Variants in C1orf146 observed in about 807,000 individuals in gnomAD.
The protein encoded by C1orf146 is chromosome 1 open reading frame 146.
C1orf146 carries 22 observed loss-of-function variants against 23.0 expected under a neutral mutation model. The observed-to-expected ratio is 0.96, with a 90% CI of 0.68 to 1.36. The LOEUF (loss-of-function observed/expected upper bound fraction) is 1.36. C1orf146 is among the 40% of genes most tolerant of loss of function. The probability of loss-of-function intolerance (pLI) is 0.00; values close to 1 mark genes in which losing one functional copy is unlikely to be tolerated. For synonymous variants in C1orf146, 59 were observed against 65.3 expected (o/e 0.90, Z 0.47); for missense variants, 199 against 206.8 (o/e 0.96, Z 0.23).
chr1:92,222,744 G>T (rs562260420), intron 1 of C1orf146, among the ~76,000 whole-genome samples: 13 of 151,202 alleles, frequency 8.6e-5, no homozygotes, highest in Admixed American at 7.9e-4. Flanking sequence ...CTGCCACCAC[G>T]CCCGGCTAAT....
intron 2 of C1orf146, among the ~76,000 whole-genome samples, chr1:92,236,918 G>C (rs570700215): frequency 6.6e-6 from 1 of 152,260 alleles, no homozygotes; most frequent in African/African-American, 2.4e-5. Flanking sequence ...TGAGGCTTCT[G>C]CATTCTTCAC....
At position 92,245,690 on chromosome 1, in the gene C1orf146, T is replaced by C. The variant is rs1287446759; in HGVS notation, c.*16T>C. On this transcript the variant is annotated 3_prime_UTR_variant, in exon 6 of 6. Coordinates refer to ENST00000370375, the MANE Select transcript of C1orf146 (RefSeq NM_001012425.2). ...CCCAAATTAGAGTACCAACTTAATGTTTTTCTCGAAGAATGTGAAAATAAT... is the reference window on the plus strand; with the variant it reads ...CCCAAATTAGAGTACCAACTTAATGCTTTTCTCGAAGAATGTGAAAATAAT... The C allele has an allele frequency of 2.7e-6, 4 of 1,498,620 alleles. No individual in the cohort carries two copies. The highest frequency in any genetic ancestry group is 2.4e-5 in the Admixed American group (1 of 41,212). The allele number at this position is 1,498,620 out of a possible 1,614,324, so 92.8% of individuals were successfully genotyped here.
intron 1 of C1orf146, chr1:92,229,035 G>A (rs542897005): frequency 4.1e-6 from 2 of 484,520 alleles, no homozygotes; most frequent in Middle Eastern, 7.2e-4. Context: ...GTGGTGAACA[G>A]TGGAGGGGCC....
chr1:92,245,462 G>C, intron 5 of C1orf146, 78 bp from the exon 6 acceptor site: 1 of 1,115,846 alleles, frequency 9.0e-7, no homozygotes, highest in Non-Finnish European at 1.3e-6. Flanking sequence ...AAGAATGAAA[G>C]TCAGGTATTT....
At chr1:92,221,052 A>G (rs1218510364) in intron 1 of C1orf146, among the ~76,000 whole-genome samples, 1 of 152,234 alleles carries the variant, frequency 6.6e-6, no homozygotes, top group African/African-American at 2.4e-5. Flanking sequence ...TGCCTCAGAG[A>G]CAAAGAATAT....
At chr1:92,229,252 T>C in intron 1 of C1orf146, 1 of 556,898 alleles carries the variant, frequency 1.8e-6, no homozygotes, top group Admixed American at 1.9e-5. Context: ...GACAGCACTG[T>C]GTTGGCGTAC....
intron 1 of C1orf146, among the ~76,000 whole-genome samples, chr1:92,219,374 T>C (rs1275095652): frequency 6.6e-6 from 1 of 152,098 alleles, no homozygotes; most frequent in East Asian, 1.9e-4. Flanking sequence ...AATGAGGAAA[T>C]TAGAGAGCAG....
chr1:92,225,252 T>A (rs1651939701), intron 1 of C1orf146, among the ~76,000 whole-genome samples: 1 of 151,950 alleles, frequency 6.6e-6, no homozygotes, highest in Non-Finnish European at 1.5e-5. Flanking sequence ...ACTAGAGTTG[T>A]GTGCCACCAT....
At chr1:92,243,578 T>C (rs1433122695) in intron 3 of C1orf146, among the ~76,000 whole-genome samples, 5 of 152,068 alleles carry the variant, frequency 3.3e-5, no homozygotes, top group African/African-American at 1.2e-4. Flanking sequence ...AACTCCTGAC[T>C]TTGTGATCCG....
At chr1:92,240,773 C>G (rs956095655) in intron 2 of C1orf146, 2 of 252,648 alleles carry the variant, frequency 7.9e-6, no homozygotes, top group African/African-American at 4.7e-5. Flanking sequence ...ATTCTCTCAC[C>G]TCAGCCTCCC....
intron 2 of C1orf146, among the ~76,000 whole-genome samples, chr1:92,235,448 A>G (rs1355780948): frequency 1.3e-5 from 2 of 152,048 alleles, no homozygotes; most frequent in Non-Finnish European, 2.9e-5. Context: ...CCTGAGTTCT[A>G]GTTTGATTGC....
chr1:92,225,238 TG>T (rs1651939419), intron 1 of C1orf146, among the ~76,000 whole-genome samples: 1 of 151,740 alleles, frequency 6.6e-6, no homozygotes, highest in Admixed American at 6.6e-5. Flanking sequence ...CCCACGTAGC[TG>T]GGACTAGAGT....
At chr1:92,221,317 A>G (rs373783851) in intron 1 of C1orf146, among the ~76,000 whole-genome samples, 10 of 152,054 alleles carry the variant, frequency 6.6e-5, no homozygotes, top group African/African-American at 2.4e-4. Context: ...ACAATAGACA[A>G]TGGGGACTAC....
intron 1 of C1orf146, among the ~76,000 whole-genome samples, chr1:92,227,464 G>A (rs1269436666): frequency 2.6e-5 from 4 of 152,006 alleles, no homozygotes; most frequent in Non-Finnish European, 5.9e-5. Context: ...GCGTGAACCC[G>A]GGAGGCGGAG....
Position 92,242,124 on chromosome 1 carries a change from C to G in C1orf146, c.67-88C>G, listed in dbSNP as rs565837513. The stretch of plus-strand genomic sequence containing the variant: ...ATATCTTTAAGTGGTAGTTATAAAA[C>G]AACATATTAAACTTTTAATTTTTTC... On this transcript the variant is annotated intron_variant, in intron 2 of 5. Transcript: ENST00000370375. 2.7e-4 allele frequency: 159 copies of G among 588,786 alleles called. 3 individuals are homozygous for G. In the South Asian group the frequency reaches 4.3e-3, roughly 16 times the overall value. The allele number at this position is 588,786 out of a possible 1,614,324, so 36.5% of individuals were successfully genotyped here. A position where few individuals can be genotyped will look rare whatever the true frequency, so the allele number is the denominator to read the frequency against.
chr1:92,241,187 C>CTTATTATTA (rs146597980), intron 2 of C1orf146, among the ~76,000 whole-genome samples: 1,620 of 142,662 alleles, frequency 0.011, 38 homozygotes, highest in African/African-American at 0.038. Context: ...CTCCAAGTTG[C>CTTATTATTA]TTATTATTAT....
chr1:92,241,285 C>A (rs1652425548), intron 2 of C1orf146, among the ~76,000 whole-genome samples: 1 of 151,718 alleles, frequency 6.6e-6, no homozygotes, highest in Admixed American at 6.6e-5. Flanking sequence ...AATCATGGCT[C>A]ACTGCAGCCT....
chr1:92,229,749 A>G (rs1240105455), intron 1 of C1orf146, among the ~76,000 whole-genome samples: 1 of 152,148 alleles, frequency 6.6e-6, no homozygotes, highest in Non-Finnish European at 1.5e-5. Flanking sequence ...ACAGAAGACA[A>G]GTCACAAACA....
At chr1:92,245,102 C>T (rs1233026195) in intron 5 of C1orf146, among the ~76,000 whole-genome samples, 1 of 152,168 alleles carries the variant, frequency 6.6e-6, no homozygotes, top group Non-Finnish European at 1.5e-5. Context: ...CTATTGGTTA[C>T]TTATATCTTC....
Sources: allele counts gnomAD v4.1 joint callset (sites outside exome capture counted in the v4.1 genomes callset), GRCh38; gene constraint gnomAD v4.1.1; transcripts MANE v1.5; gene names NCBI Gene and HGNC (gene_info 2026-07-23, HGNC 2026-07-21).